The following LRP1B variants were observed in gnomAD, a reference collection of about 807,000 sequenced individuals.
LRP1B encodes low-density lipoprotein receptor-related protein 1B.
LRP1B carries 217 observed loss-of-function variants against 556.6 expected under a neutral mutation model. The ratio of observed to expected loss-of-function variants is 0.39; its 90% confidence interval spans 0.35 to 0.44. The LOEUF (loss-of-function observed/expected upper bound fraction) is 0.44. LRP1B is among the 20% of genes least tolerant of loss of function. LRP1B has a pLI of 1.00. For missense variants in LRP1B, 5,053 were observed against 5,620.8 expected, an observed-to-expected ratio of 0.90 and a Z score of 3.23; for synonymous variants, 2,047 against 1,865.8, an observed-to-expected ratio of 1.10 and a Z score of -2.50.
chr2:140,236,385 TTCAA>T (rs1453756452), intron 89 of LRP1B, among the ~76,000 whole-genome samples: 2 of 150,944 alleles, frequency 1.3e-5, no homozygotes, highest in African/African-American at 4.8e-5. Context: ...TAAATAACTA[TTCAA>T]TAAATAAGTG....
At chr2:140,370,223 C>A (rs17722942) in intron 71 of LRP1B, among the ~76,000 whole-genome samples, 1 of 151,818 alleles carries the variant, frequency 6.6e-6, no homozygotes, top group African/African-American at 2.4e-5. Flanking sequence ...CTCAGTGATA[C>A]GGCAATAAGG....
At chr2:141,126,546 G>T (rs73962443) in intron 7 of LRP1B, among the ~76,000 whole-genome samples, 3,563 of 152,114 alleles carry the variant, frequency 0.023, 126 homozygotes, top group African/African-American at 0.081. Context: ...GAACTTCATT[G>T]AAGTTTTTTT....
chr2:141,833,894 T>C (rs940312723), intron 1 of LRP1B, among the ~76,000 whole-genome samples: 3 of 151,772 alleles, frequency 2.0e-5, no homozygotes, highest in Non-Finnish European at 4.4e-5. Context: ...TGAGTGGGGT[T>C]TGAAGGATGA....
At chr2:140,704,824 T>C (rs1479727447) in intron 37 of LRP1B, among the ~76,000 whole-genome samples, 1 of 152,156 alleles carries the variant, frequency 6.6e-6, no homozygotes, top group Non-Finnish European at 1.5e-5. Flanking sequence ...ATATTAAAGA[T>C]TTTAATTAAT....
At chr2:140,629,501 A>G (rs373590671) in intron 41 of LRP1B, among the ~76,000 whole-genome samples, 9,068 of 123,764 alleles carry the variant, frequency 0.073, 304 homozygotes, top group Middle Eastern at 0.1. Context: ...CAAATGTCAA[A>G]TGCTATGATT....
intron 43 of LRP1B, among the ~76,000 whole-genome samples, chr2:140,545,506 C>T (rs1228760348): frequency 6.6e-6 from 1 of 152,096 alleles, no homozygotes; most frequent in Non-Finnish European, 1.5e-5. Context: ...CTGCATATGG[C>T]TAGCTATTTA....
chr2:141,808,111 T>A (rs1177522097), intron 2 of LRP1B, among the ~76,000 whole-genome samples: 1 of 152,098 alleles, frequency 6.6e-6, no homozygotes, highest in Admixed American at 6.6e-5. Flanking sequence ...TTGTTCATCA[T>A]TCTTCACCGG....
intron 2 of LRP1B, among the ~76,000 whole-genome samples, chr2:141,726,028 TC>T: frequency 6.6e-6 from 1 of 151,816 alleles, no homozygotes; most frequent in African/African-American, 2.4e-5. Context: ...GGATTAAGAT[TC>T]CTTTAAAATT....
chr2:141,226,544 G>C (rs1030866178), intron 6 of LRP1B, among the ~76,000 whole-genome samples: 1 of 152,074 alleles, frequency 6.6e-6, no homozygotes, highest in Admixed American at 6.6e-5. Flanking sequence ...AAAAAAGCAT[G>C]TTCTCTTCAG....
chr2:140,563,927 A>G (rs1431265251), intron 43 of LRP1B, among the ~76,000 whole-genome samples: 1 of 152,182 alleles, frequency 6.6e-6, no homozygotes, highest in Non-Finnish European at 1.5e-5. Flanking sequence ...TGACACAGTC[A>G]TAATTCTGAT....
At chr2:141,648,296 TTC>T (rs143398069) in intron 2 of LRP1B, among the ~76,000 whole-genome samples, 2,669 of 152,300 alleles carry the variant, frequency 0.018, 77 homozygotes, top group African/African-American at 0.06. Flanking sequence ...ACTATTTCAC[TTC>T]TTTCATTGAT....
chr2:141,482,517 C>A (rs1418829141), intron 2 of LRP1B, among the ~76,000 whole-genome samples: 1 of 151,642 alleles, frequency 6.6e-6, no homozygotes, highest in Non-Finnish European at 1.5e-5. Flanking sequence ...TGTGTGTGTG[C>A]ATATATATTA....
chr2:140,517,071 T>C (rs2104940055), intron 49 of LRP1B, 60 bp from the exon 50 acceptor site: 4 of 1,202,884 alleles, frequency 3.3e-6, no homozygotes, highest in Non-Finnish European at 4.9e-6. Context: ...TATAGGTAGA[T>C]AAATCATTAA....
chr2:141,987,030 C>G (rs781315447), intron 1 of LRP1B, among the ~76,000 whole-genome samples: 4 of 151,982 alleles, frequency 2.6e-5, no homozygotes, highest in Non-Finnish European at 5.9e-5. Context: ...GTATTAATTA[C>G]TTCATGAGTT....
intron 6 of LRP1B, among the ~76,000 whole-genome samples, chr2:141,222,113 T>C (rs748309072): frequency 7.2e-5 from 11 of 151,976 alleles, no homozygotes; most frequent in Non-Finnish European, 1.3e-4. Flanking sequence ...TGAAAAACCC[T>C]TGGGGGCAAA....
At chr2:140,307,348 T>C (rs914405395) in intron 83 of LRP1B, among the ~76,000 whole-genome samples, 3 of 152,018 alleles carry the variant, frequency 2.0e-5, no homozygotes, top group African/African-American at 7.2e-5. Context: ...TTACTATTAG[T>C]AGAAATATTG....
chr2:141,422,504 T>C (rs1011119195), intron 3 of LRP1B, among the ~76,000 whole-genome samples: 1 of 152,192 alleles, frequency 6.6e-6, no homozygotes, highest in Non-Finnish European at 1.5e-5. Flanking sequence ...TAAGTACAGA[T>C]ACATTTTTTG....
intron 2 of LRP1B, among the ~76,000 whole-genome samples, chr2:141,609,935 C>T (rs1014624266): frequency 7.2e-5 from 11 of 152,172 alleles, no homozygotes; most frequent in Admixed American, 3.3e-4. Context: ...TGTTCAATAA[C>T]AGTACAGTAC....
At chr2:141,155,594 T>C (rs1187571383) in intron 7 of LRP1B, among the ~76,000 whole-genome samples, 1 of 151,862 alleles carries the variant, frequency 6.6e-6, no homozygotes, top group African/African-American at 2.4e-5. Context: ...AAAACACATA[T>C]CCTTCTATAC....
Sources: allele counts gnomAD v4.1 joint callset (sites outside exome capture counted in the v4.1 genomes callset), GRCh38; gene constraint gnomAD v4.1.1; transcripts MANE v1.5; gene names NCBI Gene and HGNC (gene_info 2026-07-23, HGNC 2026-07-21).